The following MLIP variants were observed in gnomAD, a reference collection of about 807,000 sequenced individuals.
MLIP encodes muscular LMNA-interacting protein.
In MLIP, 79 loss-of-function variants were observed where a neutral mutation model predicts 84.8. The observed-to-expected ratio is 0.93, with a 90% CI of 0.78 to 1.12. MLIP has a LOEUF of 1.12. Ranked by LOEUF, MLIP falls within the 50% of genes most tolerant of loss-of-function variation. The pLI, the probability that MLIP is intolerant of heterozygous loss-of-function variation, is 0.00. For synonymous variants in MLIP, 504 were observed against 463.0 expected, an observed-to-expected ratio of 1.09 and a Z score of -1.14; for missense variants, 1,257 against 1,160.6, an observed-to-expected ratio of 1.08 and a Z score of -1.21.
At chr6:54,026,714 A>AGTGTGTGC (rs1763824351) in intron 1 of MLIP, among the ~76,000 whole-genome samples, 2 of 149,806 alleles carry the variant, frequency 1.3e-5, no homozygotes, top group African/African-American at 4.9e-5. Flanking sequence ...CTGTGTCTTC[A>AGTGTGTGC]GTGTGTGTGT....
chr6:54,209,466 A>T (rs1779265435), intron 11 of MLIP, among the ~76,000 whole-genome samples: 1 of 152,216 alleles, frequency 6.6e-6, no homozygotes, highest in African/African-American at 2.4e-5. Flanking sequence ...AAATAAATGT[A>T]TAGAAAGAAA....
chr6:54,137,505 G>GTCACC lies in MLIP; in HGVS notation c.1436_1437insTCACC (p.Glu480HisfsTer9), dbSNP rs1561969874. 6.5e-7 allele frequency: 1 copy of GTCACC among 1,536,038 alleles called. No individual in the cohort carries two copies. Among genetic ancestry groups the GTCACC allele is most frequent in the Non-Finnish European group, 8.7e-7 (1 of 1,146,906 alleles). ...CTGAGAGCCGGGTCACCAGATCAAG[G>GTCACC]GGAACTCCAGGTTTCTGAATTGACC... On this transcript the variant is annotated frameshift_variant, in exon 4 of 14. Transcript: ENST00000502396. LOFTEE classifies it high-confidence loss of function.
At chr6:54,098,203 T>C (rs1471764713) in intron 1 of MLIP, among the ~76,000 whole-genome samples, 1 of 148,122 alleles carries the variant, frequency 6.8e-6, no homozygotes, top group East Asian at 2.0e-4. Flanking sequence ...TTACCCAGGC[T>C]GGAGTGAAGT....
intron 12 of MLIP, among the ~76,000 whole-genome samples, chr6:54,256,309 T>C (rs1050576082): frequency 4.6e-5 from 7 of 152,186 alleles, no homozygotes; most frequent in African/African-American, 1.7e-4. Flanking sequence ...GGTTAGAGTC[T>C]TCCCCTGGGT....
At chr6:54,117,479 G>T (rs1038868992) in intron 1 of MLIP, among the ~76,000 whole-genome samples, 42 of 151,340 alleles carry the variant, frequency 2.8e-4, no homozygotes, top group African/African-American at 9.7e-4. Flanking sequence ...CTCCCAAAGT[G>T]CTGGGATTAC....
At chr6:54,111,972 C>G (rs559522383) in intron 1 of MLIP, among the ~76,000 whole-genome samples, 2 of 152,270 alleles carry the variant, frequency 1.3e-5, no homozygotes, top group South Asian at 2.1e-4. Flanking sequence ...AACAGTTTCT[C>G]AAATTATTAG....
chr6:54,153,876 T>A (rs1308831468), intron 5 of MLIP, among the ~76,000 whole-genome samples: 3 of 150,940 alleles, frequency 2.0e-5, no homozygotes, highest in African/African-American at 7.3e-5. Flanking sequence ...AAAATCTTTA[T>A]GTCTTAAAAA....
At chr6:54,225,195 G>A (rs764310186) in intron 11 of MLIP, among the ~76,000 whole-genome samples, 15 of 152,104 alleles carry the variant, frequency 9.9e-5, no homozygotes, top group African/African-American at 3.6e-4. Context: ...TACTAGTTAG[G>A]GGAATTCTTT....
rs1158577640 is a variant in MLIP at position 54,068,048 on chromosome 6, C to T, written c.63+48957C>T. On this transcript the variant is annotated intron_variant, in intron 1 of 12. Transcript: ENST00000274897. ...CCTTCCTTCCTTTTTTCTTTCCTTC[C>T]TTCCTTCCTTCCTTCCTTCCTTCCT... 6.8e-4 allele frequency among the ~76,000 whole-genome samples: 39 copies of T among 56,966 alleles called. 2 individuals carry two copies. Among genetic ancestry groups the T allele is most frequent in the African/African-American group, 1.4e-3 (36 of 26,080 alleles). The allele number at this position is 56,966 out of a possible 152,430, so 37.4% of individuals were successfully genotyped here.
intron 1 of MLIP, chr6:54,045,905 A>C (rs1765022019): frequency 6.6e-6 from 1 of 152,226 alleles, no homozygotes; most frequent in South Asian, 2.1e-4. Context: ...CAGTGCAAGA[A>C]CGAGAACTGT....
At chr6:54,106,225 C>G (rs868771656) in intron 1 of MLIP, among the ~76,000 whole-genome samples, 1 of 152,036 alleles carries the variant, frequency 6.6e-6, no homozygotes, top group Non-Finnish European at 1.5e-5. Context: ...GTGAGGGGGC[C>G]AGGATTTTAT....
At chr6:54,161,879 A>G (rs184000485) in intron 8 of MLIP, among the ~76,000 whole-genome samples, 30 of 150,054 alleles carry the variant, frequency 2.0e-4, no homozygotes, top group Non-Finnish European at 3.3e-4. Flanking sequence ...TTTGTCAAAT[A>G]TATTATATCA....
intron 1 of MLIP, among the ~76,000 whole-genome samples, chr6:54,067,751 A>G (rs1166698004): frequency 9.9e-6 from 1 of 101,318 alleles, no homozygotes; most frequent in African/African-American, 2.5e-5. Flanking sequence ...TATACATTGA[A>G]CACTTGTAAG....
intron 13 of MLIP, among the ~76,000 whole-genome samples, chr6:54,263,471 T>C (rs1783512043): frequency 2.0e-5 from 3 of 152,104 alleles, no homozygotes; most frequent in Admixed American, 2.0e-4. Context: ...TTAATCATAT[T>C]ATGATACACA....
At chr6:54,118,508 C>T (rs1304143945) in intron 1 of MLIP, among the ~76,000 whole-genome samples, 1 of 152,150 alleles carries the variant, frequency 6.6e-6, no homozygotes, top group African/African-American at 2.4e-5. Context: ...CTGTCTTTAA[C>T]CATATACAAA....
At chr6:54,101,717 AT>A (rs1768664599) in intron 1 of MLIP, among the ~76,000 whole-genome samples, 1 of 152,118 alleles carries the variant, frequency 6.6e-6, no homozygotes, top group African/African-American at 2.4e-5. Flanking sequence ...TTCAACAATA[AT>A]TTCCTGTGCT....
intron 1 of MLIP, among the ~76,000 whole-genome samples, chr6:54,048,287 A>G (rs1170574383): frequency 6.6e-6 from 1 of 152,188 alleles, no homozygotes; most frequent in Non-Finnish European, 1.5e-5. Flanking sequence ...GGATAGAGAA[A>G]GGAATGAGTC....
chr6:54,106,658 T>C (rs1769041269), upstream of MLIP, among the ~76,000 whole-genome samples: 1 of 152,124 alleles, frequency 6.6e-6, no homozygotes, highest in South Asian at 2.1e-4. Context: ...CCTAAGCAAC[T>C]AGAAATAGGT....
intron 1 of MLIP, among the ~76,000 whole-genome samples, chr6:54,095,490 G>A (rs1389442885): frequency 2.0e-5 from 3 of 152,014 alleles, no homozygotes; most frequent in Non-Finnish European, 4.4e-5. Context: ...GATGACCAGA[G>A]TTAGGACCTC....
Sources: allele counts gnomAD v4.1 joint callset (sites outside exome capture counted in the v4.1 genomes callset), GRCh38; gene constraint gnomAD v4.1.1; transcripts MANE v1.5; gene names NCBI Gene and HGNC (gene_info 2026-07-23, HGNC 2026-07-21).